Variants in ZNF99 observed in about 807,000 individuals in gnomAD.
The protein encoded by ZNF99 is zinc finger protein ENSP00000375192.
Under a neutral mutation model 12.8 loss-of-function variants are expected in ZNF99, and 8 were observed. The ratio of observed to expected loss-of-function variants is 0.62; its 90% CI spans 0.37 to 1.13. The LOEUF (loss-of-function observed/expected upper bound fraction) is 1.13. ZNF99 is among the 50% of genes most tolerant of loss of function. The probability of loss-of-function intolerance (pLI) is 0.02; values close to 1 mark genes in which losing one functional copy is unlikely to be tolerated. For synonymous variants in ZNF99, 318 were observed against 319.0 expected, an observed-to-expected ratio of 1.00 and a Z score of 0.03; for missense variants, 1,007 against 1,006.2, an observed-to-expected ratio of 1.00 and a Z score of -0.01.
At chr19:22,770,198 A>T (rs186231030) in intron 1 of ZNF99, among the ~76,000 whole-genome samples, 437 of 152,334 alleles carry the variant, frequency 2.9e-3, no homozygotes, top group African/African-American at 8.8e-3. Context: ...CCTATAAACA[A>T]AGACGAGAGC....
Position 22,753,864 on chromosome 19 carries a change from A to T in ZNF99, c.*3450T>A, listed in dbSNP as rs1040096686. ...TTAAATATTTTGCCACATTCTTCATAGTTTTCTCTAGGATAAATTAGCTTA... is the reference window on the plus strand; with the variant it reads ...TTAAATATTTTGCCACATTCTTCATTGTTTTCTCTAGGATAAATTAGCTTA... On this transcript the variant is annotated 3_prime_UTR_variant, in exon 4 of 4. Coordinates refer to ENST00000596209, the MANE Select transcript of ZNF99 (RefSeq NM_001080409.3). The T allele has an allele frequency of 9.8e-6, 3 of 305,562 alleles. No individual in the cohort carries two copies. The highest frequency in any genetic ancestry group is 2.9e-5 in the South Asian group (1 of 34,240). The allele number at this position is 305,562 out of a possible 1,614,324, so 18.9% of individuals were successfully genotyped here.
rs200914947 is a variant in ZNF99, at chr19:22,763,276, TC to T, written c.227-3595del. ...AAGCTCCTAGAAGTGATAAAATAAT[TC>T]AGCAAAGTTTTCAGATACAAAATTA... On this transcript the variant is annotated intron_variant, in intron 3 of 3. Transcript: ENST00000596209. 2.2e-3 allele frequency among the ~76,000 whole-genome samples: 336 copies of T among 152,204 alleles called. 2 individuals carry two copies. Among genetic ancestry groups the T allele is most frequent in the East Asian group, 7.1e-3 (37 of 5,182 alleles).
At chr19:22,759,785 G>A (rs1599442175) in intron 3 of ZNF99, 103 bp from the exon 4 acceptor site, 1 of 831,688 alleles carries the variant, frequency 1.2e-6, no homozygotes, top group Non-Finnish European at 1.7e-6. Flanking sequence ...AAGCAAGATG[G>A]CACAGCAAAA....
intron 1 of ZNF99, among the ~76,000 whole-genome samples, chr19:22,781,053 G>A (rs1176517100): frequency 6.6e-6 from 1 of 152,054 alleles, no homozygotes; most frequent in Admixed American, 6.6e-5. Flanking sequence ...TGGGAAAAAG[G>A]TAAATGAAAA....
intron 3 of ZNF99, among the ~76,000 whole-genome samples, chr19:22,766,356 T>TG (rs1363705149): frequency 1.3e-5 from 2 of 150,868 alleles, no homozygotes; most frequent in African/African-American, 4.9e-5. Flanking sequence ...CTTTTTTTTT[T>TG]TGAGATGGAG....
intron 1 of ZNF99, among the ~76,000 whole-genome samples, chr19:22,775,626 A>G (rs1163777932): frequency 1.3e-5 from 2 of 152,248 alleles, no homozygotes; most frequent in Admixed American, 1.3e-4. Context: ...CACACAACCT[A>G]CAGAATAAAA....
At chr19:22,783,928 G>C in intron 1 of ZNF99, 86 bp downstream of exon 1, 2 of 1,543,022 alleles carry the variant, frequency 1.3e-6, no homozygotes, top group South Asian at 1.1e-5. Context: ...CTCACTGAGG[G>C]GAGGCCTGAG....
rs750274656 is a variant in ZNF99, at chr19:22,769,209, A to G, written c.119T>C (p.Leu40Pro). 5.6e-6 allele frequency: 9 copies of G among 1,606,558 alleles called. No homozygotes were observed. Among genetic ancestry groups the G allele is most frequent in the Non-Finnish European group, 7.7e-6 (9 of 1,175,876 alleles). Residue 40 changes from leucine to proline, a missense_variant, in exon 2 of 4, where the codon CTG becomes CCG. Physicochemically the swap from Leu to Pro is moderately conservative, Grantham distance 98 (BLOSUM62 -3). Coordinates refer to ENST00000596209, the MANE Select transcript of ZNF99 (RefSeq NM_001080409.3). ...AAAATCATCCTCACCCAGGAAGACC[A>G]GGTTTCTGTAGTTCTCTAACATAAC... ...RNVMLENYRN[L>P]VFLGIAVSKL...
intron 1 of ZNF99, among the ~76,000 whole-genome samples, chr19:22,781,670 A>G (rs1229039552): frequency 6.6e-6 from 1 of 152,016 alleles, no homozygotes; most frequent in African/African-American, 2.4e-5. Context: ...GGAAGAGTAT[A>G]CCAGGAGAGA....
In ZNF99 at chr19:22,756,027, C is replaced by A; in HGVS notation, c.*1287G>T. The A allele has an allele frequency of 9.8e-7, 1 of 1,023,444 alleles. No homozygotes were observed. Among genetic ancestry groups the A allele is most frequent in the Non-Finnish European group, 1.4e-6 (1 of 710,116 alleles). The allele number at this position is 1,023,444 out of a possible 1,614,324, so 63.4% of individuals were successfully genotyped here. ...GACTGGTTAAAGGCTTTGCCACATT[C>A]TTTACATTTGTGGGGTTTCTCTCCA... On this transcript the variant is annotated 3_prime_UTR_variant, in exon 4 of 4. Coordinates refer to ENST00000596209, the MANE Select transcript of ZNF99 (RefSeq NM_001080409.3).
At position 22,754,397 on chromosome 19, in the gene ZNF99, TCAC is replaced by T. The variant is rs1973017307; in HGVS notation, c.*2914_*2916del. The stretch of plus-strand genomic sequence containing the variant: ...AAAAAAAAAAACTTTGCCACATTCT[TCAC>T]ATTTGTAGAATTTCTCTACAACATA... On this transcript the variant is annotated 3_prime_UTR_variant, in exon 4 of 4. Transcript: ENST00000596209. The T allele has an allele frequency of 2.4e-6, 1 of 414,556 alleles. No homozygotes were observed. Among genetic ancestry groups the T allele is most frequent in the Non-Finnish European group, 4.7e-6 (1 of 213,356 alleles). 25.7% of individuals were successfully genotyped at this position (414,556 alleles called of 1,614,324 possible).
intron 1 of ZNF99, among the ~76,000 whole-genome samples, chr19:22,782,409 G>A (rs1434893164): frequency 1.3e-5 from 2 of 151,420 alleles, no homozygotes; most frequent in Non-Finnish European, 2.9e-5. Flanking sequence ...AGAATGGACT[G>A]CAATGGCGCG....
chr19:22,763,501 C>G (rs760733509), intron 3 of ZNF99, among the ~76,000 whole-genome samples: 24 of 152,010 alleles, frequency 1.6e-4, no homozygotes, highest in Non-Finnish European at 2.2e-4. Context: ...CAAATGGAAA[C>G]AGTCCACGTT....
chr19:22,775,035 AT>A (rs1973310984), intron 1 of ZNF99, among the ~76,000 whole-genome samples: 1 of 152,214 alleles, frequency 6.6e-6, no homozygotes. Flanking sequence ...TACCAAAAAC[AT>A]TTTTAACAGA....
intron 1 of ZNF99, among the ~76,000 whole-genome samples, chr19:22,780,241 AAAGT>A (rs1483888572): frequency 6.6e-6 from 1 of 152,302 alleles, no homozygotes; most frequent in African/African-American, 2.4e-5. Flanking sequence ...TTGGTTTTTG[AAAGT>A]AAGTGTTCGA....
chr19:22,759,339 T>C lies in ZNF99; in HGVS notation c.570A>G (p.Gln190=), dbSNP rs1225867649. The change falls in exon 4 of 4, where the codon CAA becomes CAG. Residue 190 remains glutamine (Q), a synonymous_variant. Coordinates refer to ENST00000596209, the MANE Select transcript of ZNF99 (RefSeq NM_001080409.3). Reference sequence around the variant, plus strand: ...TCTCTCTAGTATGAATTCTCTTATGTTGAATTAAGTGTGAAAGCATGAAAA... The same window carrying C: ...TCTCTCTAGTATGAATTCTCTTATGCTGAATTAAGTGTGAAAGCATGAAAA... ...KSFFMLSHLI[Q]HKRIHTRENI... is the part of the protein sequence containing the mutation. 10 of 1,549,194 alleles carry C rather than the reference T, an allele frequency of 6.5e-6. No homozygotes were observed. In the Admixed American group the frequency reaches 7.9e-5, roughly 12 times the overall value.
intron 2 of ZNF99, 136 bp from the exon 3 acceptor site, chr19:22,768,536 A>G: frequency 1.4e-6 from 1 of 717,188 alleles, no homozygotes; most frequent in Non-Finnish European, 2.1e-6. Flanking sequence ...CTAAATATTT[A>G]GAAAATATTT....
chr19:22,762,657 TAC>T (rs1973163181), intron 3 of ZNF99, among the ~76,000 whole-genome samples: 1 of 145,970 alleles, frequency 6.9e-6, no homozygotes, highest in East Asian at 2.0e-4. Flanking sequence ...ATCACCCTAA[TAC>T]CAAAACCAGA....
chr19:22,772,757 T>A (rs1264883279), intron 1 of ZNF99, among the ~76,000 whole-genome samples: 1 of 151,878 alleles, frequency 6.6e-6, no homozygotes, highest in Non-Finnish European at 1.5e-5. Flanking sequence ...CTAAAAGGAC[T>A]TGCATCTCTC....
Sources: gnomAD v4.1 joint callset for allele counts (sites outside exome capture counted in the v4.1 genomes callset) on GRCh38, gnomAD v4.1.1 for gene constraint, MANE v1.5 for transcripts, NCBI Gene and HGNC (gene_info 2026-07-23, HGNC 2026-07-21) for gene names.